PTTG1IP: variants seen among roughly 807,000 people sequenced by gnomAD.
PTTG1IP encodes the protein pituitary tumor-transforming gene 1 protein-interacting protein.
In PTTG1IP, 16 loss-of-function variants were observed where a neutral mutation model predicts 24.4. That is an observed-to-expected ratio of 0.66 (90% confidence interval 0.44 to 1.00). The LOEUF is 1.00. PTTG1IP is among the 50% of genes least tolerant of loss of function. The pLI is 0.00. For missense variants in PTTG1IP, 241 were observed against 245.8 expected, an observed-to-expected ratio of 0.98 and a Z score of 0.13; for synonymous variants, 89 against 96.8, an observed-to-expected ratio of 0.92 and a Z score of 0.47.
chr21:44,859,357 T>C lies in PTTG1IP; in HGVS notation c.277+1806A>G, dbSNP rs147911713. On this transcript the variant is annotated intron_variant, in intron 3 of 5. Coordinates refer to ENST00000330938, the MANE Select transcript of PTTG1IP (RefSeq NM_004339.4). ...TTGCTGTGAGTGGTGATAACCTGTATACGTATGCAAAAATGCACTGAATAT... is the reference window on the plus strand; with the variant it reads ...TTGCTGTGAGTGGTGATAACCTGTACACGTATGCAAAAATGCACTGAATAT... 9.9e-4 allele frequency among the ~76,000 whole-genome samples: 151 copies of C among 152,092 alleles called. 2 individuals carry two copies. In the East Asian group the frequency reaches 0.025, roughly 25 times the overall value.
intron 2 of PTTG1IP, among the ~76,000 whole-genome samples, chr21:44,864,804 C>G (rs756035363): frequency 2.0e-5 from 3 of 152,212 alleles, no homozygotes; most frequent in African/African-American, 7.2e-5. Flanking sequence ...GAAGGCACCC[C>G]GGGGAGTCTC....
intron 2 of PTTG1IP, among the ~76,000 whole-genome samples, chr21:44,864,358 G>A (rs901976299): frequency 1.3e-5 from 2 of 152,242 alleles, no homozygotes; most frequent in African/African-American, 2.4e-5. Flanking sequence ...AGGCCACCAC[G>A]CAGAGAAAAC....
intron 1 of PTTG1IP, among the ~76,000 whole-genome samples, chr21:44,870,934 C>A (rs972817141): frequency 6.6e-6 from 1 of 152,206 alleles, no homozygotes; most frequent in Non-Finnish European, 1.5e-5. Flanking sequence ...AAGGAACACA[C>A]CAGCAAGTGT....
At chr21:44,852,189 TA>T (rs376650414) in intron 5 of PTTG1IP, among the ~76,000 whole-genome samples, 29 of 151,178 alleles carry the variant, frequency 1.9e-4, no homozygotes, top group Middle Eastern at 3.5e-3. Context: ...CTTTATTTTT[TA>T]TTTTTTTTTG....
rs2083449544 is a variant in PTTG1IP at position 44,856,319 on chromosome 21, G to C, written c.323C>G (p.Thr108Ser). Residue 108 changes from threonine to serine, a missense_variant, in exon 4 of 6, where the codon ACC becomes AGC. By Grantham distance (58) the Thr-to-Ser change is moderately conservative. Coordinates refer to ENST00000330938, the MANE Select transcript of PTTG1IP (RefSeq NM_004339.4). ...LIITMSVVGGTLLLGIAICCC... is the reference protein window; with the variant it reads ...LIITMSVVGGSLLLGIAICCC... ...GCAGATGGCAATGCCCAGGAGGAGG[G>C]TTCCCCCGACTACCGACATGGTGAT... 3 of 1,614,014 alleles carry C rather than the reference G, an allele frequency of 1.9e-6. No individual in the cohort carries two copies. Among genetic ancestry groups the C allele is most frequent in the Admixed American group, 3.3e-5 (2 of 59,990 alleles).
chr21:44,862,082 G>A lies in PTTG1IP; in HGVS notation c.169-811C>T, dbSNP rs549468223. 5.4e-4 allele frequency: 291 copies of A among 541,742 alleles called. 4 individuals are homozygous for A. In the South Asian group the frequency reaches 5.7e-3, roughly 11 times the overall value. The allele number at this position is 541,742 out of a possible 1,614,324, so 33.6% of individuals were successfully genotyped here. On this transcript the variant is annotated intron_variant, in intron 2 of 5. Coordinates refer to ENST00000330938, the MANE Select transcript of PTTG1IP (RefSeq NM_004339.4). ...GTGGAGACAACACCATCACACCCGT[G>A]TGTGTGTGTGTAAGAGCCCAGAGCT...
At chr21:44,870,525 C>CAAAAAAAAAAA (rs60436978) in intron 1 of PTTG1IP, among the ~76,000 whole-genome samples, 9 of 76,960 alleles carry the variant, frequency 1.2e-4, no homozygotes, top group African/African-American at 1.6e-4. Context: ...GACTCCATCT[C>CAAAAAAAAAAA]AAAAAAAAAA....
At chr21:44,866,619 ACTCCCCCAATCCCGTAACAC>A (rs1569326539) in intron 1 of PTTG1IP, among the ~76,000 whole-genome samples, 18 of 100,308 alleles carry the variant, frequency 1.8e-4, no homozygotes, top group East Asian at 5.8e-4. Context: ...CAGACTGCGT[ACTCCCCCAATCCCGTAACAC>A]ACACACACAC....
At chr21:44,856,845 C>A (rs1277690043) in intron 3 of PTTG1IP, among the ~76,000 whole-genome samples, 1 of 152,066 alleles carries the variant, frequency 6.6e-6, no homozygotes, top group Non-Finnish European at 1.5e-5. Context: ...GAGAAATAGA[C>A]TCTCAGGGCA....
At position 44,870,525 on chromosome 21, in the gene PTTG1IP, CAAAAAA is replaced by C. The variant is rs60436978; in HGVS notation, c.115+2971_115+2976del. Among the ~76,000 whole-genome samples the C allele has an allele frequency of 9.1e-5, 7 of 76,968 alleles. No homozygotes were observed. In the East Asian group the frequency reaches 1.3e-3, roughly 14 times the overall value. The allele number at this position is 76,968 out of a possible 152,430, so 50.5% of individuals were successfully genotyped here. On this transcript the variant is annotated intron_variant, in intron 1 of 5. Coordinates refer to ENST00000330938, the MANE Select transcript of PTTG1IP (RefSeq NM_004339.4). ...TGGGCAACAGGGCAAGACTCCATCT[CAAAAAA>C]AAAAAAAAAAAAAAAAAGAAAGGCA... is the stretch of plus-strand genomic sequence containing the variant.
chr21:44,861,903 G>T, intron 2 of PTTG1IP: 1 of 713,286 alleles, frequency 1.4e-6, no homozygotes, highest in Non-Finnish European at 2.6e-6. Flanking sequence ...CAAGGACCAT[G>T]CTTCCTACCT....
chr21:44,861,771 C>T (rs1431262847), intron 2 of PTTG1IP: 7 of 717,436 alleles, frequency 9.8e-6, no homozygotes, highest in East Asian at 8.0e-5. Flanking sequence ...CCCCACACGC[C>T]GGGCACCTGT....
intron 1 of PTTG1IP, among the ~76,000 whole-genome samples, chr21:44,866,553 G>A (rs1288051482): frequency 4.0e-5 from 3 of 75,670 alleles, no homozygotes; most frequent in Non-Finnish European, 7.3e-5. Flanking sequence ...CCCCAATCCC[G>A]TAACACACAC....
Position 44,873,606 on chromosome 21 carries a change from C to G in PTTG1IP, c.11G>C (p.Gly4Ala). The G allele has an allele frequency of 3.5e-6, 5 of 1,437,276 alleles. No individual in the cohort carries two copies. Among genetic ancestry groups the G allele is most frequent in the Non-Finnish European group, 4.6e-6 (5 of 1,097,352 alleles). The allele number at this position is 1,437,276 out of a possible 1,614,324, so 89.0% of individuals were successfully genotyped here. A position where few individuals can be genotyped will look rare whatever the true frequency, so the allele number is the denominator to read the frequency against. The change falls in exon 1 of 6, where the codon GGA (glycine) becomes GCA (alanine). Residue 4 changes from glycine (G) to alanine (A), a missense_variant. Coordinates refer to ENST00000330938, the MANE Select transcript of PTTG1IP (RefSeq NM_004339.4). Reference protein sequence around the residue: MAPGVARGPTPYWR... With the variant: MAPAVARGPTPYWR... ...GTACGGCGTCGGCCCGCGGGCCACT[C>G]CGGGCGCCATGGTCGGCCGGTCGCT... is the stretch of plus-strand genomic sequence containing the variant.
In PTTG1IP at chr21:44,851,384, C is replaced by A. The variant is rs1340819311; in HGVS notation, c.*197G>T. The A allele has an allele frequency of 6.5e-7, 1 of 1,531,522 alleles. No individual in the cohort carries two copies. The highest frequency in any genetic ancestry group is 1.4e-5 in the African/African-American group (1 of 72,994). 94.9% of individuals were successfully genotyped at this position (1,531,522 alleles called of 1,614,324 possible). A position where few individuals can be genotyped will look rare whatever the true frequency, so the allele number is the denominator to read the frequency against. ...GACTAAATCTAGAAACAGAGATGAA[C>A]AGGGAATAGAAGGTCACCAGTCTGC... On this transcript the variant is annotated 3_prime_UTR_variant, in exon 6 of 6. Transcript: ENST00000330938.
Position 44,856,313 on chromosome 21 carries a change from A to T in PTTG1IP, c.329T>A (p.Leu110His). The T allele has an allele frequency of 6.2e-7, 1 of 1,614,162 alleles. No individual in the cohort carries two copies. Among genetic ancestry groups the T allele is most frequent in the Non-Finnish European group, 8.5e-7 (1 of 1,179,998 alleles). The part of the protein sequence containing the change: ...ITMSVVGGTL[L>H]LGIAICCCCC... ...GCAGCAGCAGATGGCAATGCCCAGG[A>T]GGAGGGTTCCCCCGACTACCGACAT... The change falls in exon 4 of 6, where the codon CTC becomes CAC. Residue 110 changes from leucine to histidine, a missense_variant. Leu to His is a moderately conservative substitution (Grantham distance 99). Coordinates refer to ENST00000330938, the MANE Select transcript of PTTG1IP (RefSeq NM_004339.4).
intron 3 of PTTG1IP, among the ~76,000 whole-genome samples, chr21:44,856,707 C>T (rs2083452209): frequency 6.6e-6 from 1 of 152,178 alleles, no homozygotes; most frequent in Admixed American, 6.5e-5. Flanking sequence ...GTTAACTAAC[C>T]AAAATTCCAA....
Position 44,863,496 on chromosome 21 carries a change from C to G in PTTG1IP, c.168+1899G>C, listed in dbSNP as rs573331373. Among the ~76,000 whole-genome samples, 9 of 152,346 alleles carry G rather than the reference C, an allele frequency of 5.9e-5. No homozygotes were observed. In the South Asian group the frequency reaches 8.3e-4, roughly 14 times the overall value. On this transcript the variant is annotated intron_variant, in intron 2 of 5. Coordinates refer to ENST00000330938, the MANE Select transcript of PTTG1IP (RefSeq NM_004339.4). ...TTCAGAACTGGAGTCAGGCCTTCAG[C>G]CCTTCTGGACTGGCCCCATCCACAA...
Position 44,865,997 on chromosome 21 carries a change from C to T in PTTG1IP, c.116-550G>A, listed in dbSNP as rs1601255268. ...ACTGGGCTATGCTCCCTGTACCAAC[C>T]TGTACCAAGGGAGAGGCCCGGCACA... On this transcript the variant is annotated intron_variant, in intron 1 of 5. Coordinates refer to ENST00000330938, the MANE Select transcript of PTTG1IP (RefSeq NM_004339.4). The T allele has an allele frequency of 1.6e-5, 3 of 187,322 alleles. No homozygotes were observed. The South Asian group carries it at 3.0e-4, about 19-fold the overall frequency. The allele number at this position is 187,322 out of a possible 1,614,324, so 11.6% of individuals were successfully genotyped here.
Sources: gnomAD v4.1 joint callset for allele counts (sites outside exome capture counted in the v4.1 genomes callset) on GRCh38, gnomAD v4.1.1 for gene constraint, MANE v1.5 for transcripts, NCBI Gene and HGNC (gene_info 2026-07-23, HGNC 2026-07-21) for gene names.